The following SLC16A7 variants were observed in gnomAD, a reference collection of about 807,000 sequenced individuals.
SLC16A7 encodes the protein monocarboxylate transporter 2.
In SLC16A7, 33 loss-of-function variants were observed where a neutral mutation model predicts 34.9. The observed-to-expected ratio is 0.94, with a 90% CI of 0.72 to 1.26. The LOEUF is 1.26. SLC16A7 is among the 50% of genes most tolerant of loss of function. SLC16A7 has a pLI of 0.00. For synonymous variants in SLC16A7, 201 were observed against 206.6 expected (o/e 0.97, Z 0.23); for missense variants, 573 against 578.1 (o/e 0.99, Z 0.09).
intron 4 of SLC16A7, among the ~76,000 whole-genome samples, chr12:59,773,575 T>G: frequency 6.6e-6 from 1 of 152,072 alleles, no homozygotes; most frequent in East Asian, 1.9e-4. Flanking sequence ...ATGTACTTTT[T>G]TTTTTTTTGA....
At chr12:59,746,644 C>T (rs1878922044) in intron 3 of SLC16A7, among the ~76,000 whole-genome samples, 1 of 152,156 alleles carries the variant, frequency 6.6e-6, no homozygotes. Context: ...GCTATGTTAG[C>T]ATTCCAAATA....
chr12:59,757,601 T>A (rs1880535189), intron 3 of SLC16A7, among the ~76,000 whole-genome samples: 1 of 151,968 alleles, frequency 6.6e-6, no homozygotes, highest in Admixed American at 6.6e-5. Context: ...AGTGCAAAAA[T>A]GTCAGACAGA....
chr12:59,599,266 C>T (rs1018298162), intron 1 of SLC16A7, among the ~76,000 whole-genome samples: 1 of 152,162 alleles, frequency 6.6e-6, no homozygotes. Flanking sequence ...AAGTGTCTCC[C>T]GCCTTCAACA....
At chr12:59,711,681 G>T (rs771434683) in intron 3 of SLC16A7, among the ~76,000 whole-genome samples, 1 of 152,054 alleles carries the variant, frequency 6.6e-6, no homozygotes, top group African/African-American at 2.4e-5. Flanking sequence ...ACCATGCCCA[G>T]CTAATTTCTG....
At chr12:59,718,614 T>C (rs191372345) in intron 3 of SLC16A7, among the ~76,000 whole-genome samples, 3 of 152,290 alleles carry the variant, frequency 2.0e-5, no homozygotes, top group Admixed American at 2.0e-4. Context: ...AAGAATAACG[T>C]GGCTATCTGG....
At chr12:59,644,200 CA>C (rs1295711631) in intron 1 of SLC16A7, among the ~76,000 whole-genome samples, 2 of 152,018 alleles carry the variant, frequency 1.3e-5, no homozygotes, top group African/African-American at 4.8e-5. Context: ...ACAAACAAAG[CA>C]AAGCAAAACT....
intron 3 of SLC16A7, among the ~76,000 whole-genome samples, chr12:59,752,911 CA>C (rs1269773710): frequency 2.6e-5 from 4 of 152,162 alleles, no homozygotes; most frequent in Non-Finnish European, 5.9e-5. Context: ...GATCTCTCGG[CA>C]GAAACTCTAC....
At position 59,774,663 on chromosome 12, in the gene SLC16A7, G is replaced by A. The variant is rs778214706; in HGVS notation, c.368G>A (p.Gly123Asp). The A allele has an allele frequency of 1.3e-6, 2 of 1,579,366 alleles. No individual in the cohort carries two copies. Among genetic ancestry groups the A allele is most frequent in the Non-Finnish European group, 1.7e-6 (2 of 1,165,162 alleles). Residue 123 changes from glycine (G) to aspartate (D), a missense_variant, in exon 5 of 6, where the codon GGT becomes GAT. Transcript: ENST00000547379. ...TTTGTTTTGTTCTTTTTAGGTTTAG[G>A]TTTAGCCTTCAACCTGCAACCCGCC... ...YLTMGFITGL[G>D]LAFNLQPALT...
At chr12:59,714,489 GC>G (rs1198685919) in intron 3 of SLC16A7, among the ~76,000 whole-genome samples, 10 of 152,064 alleles carry the variant, frequency 6.6e-5, no homozygotes, top group Non-Finnish European at 1.5e-5. Context: ...TTAGATGGCT[GC>G]CTCCTAGTTG....
intron 1 of SLC16A7, among the ~76,000 whole-genome samples, chr12:59,619,947 G>C (rs1210750497): frequency 6.6e-6 from 1 of 151,976 alleles, no homozygotes; most frequent in Non-Finnish European, 1.5e-5. Context: ...GAGGCTTTAA[G>C]TGACTCACTA....
rs1025214522 is a variant in SLC16A7, at chr12:59,785,847, A to G, written c.*6168A>G. ...AGAGAATCTCAGTGTGAAAACACTG[A>G]TACTGAACATTCTATTAAAATAGAA... On this transcript the variant is annotated 3_prime_UTR_variant, in exon 6 of 6. Coordinates refer to ENST00000547379, the MANE Select transcript of SLC16A7 (RefSeq NM_001270623.2). 5 of 152,146 alleles carry G rather than the reference A, an allele frequency of 3.3e-5. No individual in the cohort carries two copies. The highest frequency in any genetic ancestry group is 9.7e-5 in the African/African-American group (4 of 41,436). The allele number at this position is 152,146 out of a possible 1,614,324, so 9.4% of individuals were successfully genotyped here. A position where few individuals can be genotyped will look rare whatever the true frequency, so the allele number is the denominator to read the frequency against.
intron 1 of SLC16A7, among the ~76,000 whole-genome samples, chr12:59,606,960 A>G (rs1490280852): frequency 6.6e-6 from 1 of 152,172 alleles, no homozygotes; most frequent in Admixed American, 6.5e-5. Flanking sequence ...ATGATTTTCT[A>G]GGATAGAGGT....
At chr12:59,613,790 TATTTAAGTTGTA>T (rs1460611269) in intron 1 of SLC16A7, among the ~76,000 whole-genome samples, 2 of 152,166 alleles carry the variant, frequency 1.3e-5, no homozygotes, top group Non-Finnish European at 2.9e-5. Flanking sequence ...AGACAATCAA[TATTTAAGTTGTA>T]ATTTACCAAA....
At chr12:59,705,301 T>C (rs186474834) in intron 3 of SLC16A7, among the ~76,000 whole-genome samples, 1 of 152,306 alleles carries the variant, frequency 6.6e-6, no homozygotes, top group Admixed American at 6.5e-5. Flanking sequence ...GTGAGGCTAC[T>C]TCATTTAGTT....
intron 3 of SLC16A7, among the ~76,000 whole-genome samples, chr12:59,709,572 T>A (rs1309967518): frequency 6.6e-6 from 1 of 151,754 alleles, no homozygotes; most frequent in South Asian, 2.1e-4. Context: ...CTGTGCAATA[T>A]CTTAGCAGCA....
intron 2 of SLC16A7, among the ~76,000 whole-genome samples, chr12:59,665,840 GTGTC>G (rs1336106217): frequency 1.3e-5 from 2 of 151,252 alleles, no homozygotes; most frequent in African/African-American, 4.9e-5. Context: ...GTGTGTGTGT[GTGTC>G]TATGTGTGTG....
At chr12:59,740,840 G>C (rs1293642522) in intron 3 of SLC16A7, among the ~76,000 whole-genome samples, 1 of 152,074 alleles carries the variant, frequency 6.6e-6, no homozygotes, top group Non-Finnish European at 1.5e-5. Flanking sequence ...ATCTCCTTAA[G>C]CTGATAAGCA....
intron 2 of SLC16A7, among the ~76,000 whole-genome samples, chr12:59,681,145 A>G (rs1208739174): frequency 6.6e-6 from 1 of 152,216 alleles, no homozygotes; most frequent in Non-Finnish European, 1.5e-5. Context: ...CGAATCTTAA[A>G]ACATCATTGT....
Position 59,775,454 on chromosome 12 carries a change from C to G in SLC16A7, c.1159C>G (p.Leu387Val), listed in dbSNP as rs373772028. 8 of 1,613,014 alleles carry G rather than the reference C, an allele frequency of 5.0e-6. No individual in the cohort carries two copies. Among genetic ancestry groups the G allele is most frequent in the Non-Finnish European group, 6.8e-6 (8 of 1,179,270 alleles). ...LVTIVECGPV[L>V]LGPPLAGKLV... is the part of the protein sequence containing the mutation. Reference sequence around the variant, plus strand: ...CACAATTGTGGAGTGTGGCCCAGTTCTTCTTGGCCCTCCTCTTGCAGGTAA... The same window carrying G: ...CACAATTGTGGAGTGTGGCCCAGTTGTTCTTGGCCCTCCTCTTGCAGGTAA... The change falls in exon 5 of 6, where the codon CTT (leucine) becomes GTT (valine). Residue 387 changes from leucine to valine, a missense_variant. Transcript: ENST00000547379.
Sources: gnomAD v4.1 joint callset for allele counts (sites outside exome capture counted in the v4.1 genomes callset) on GRCh38, gnomAD v4.1.1 for gene constraint, MANE v1.5 for transcripts, NCBI Gene and HGNC (gene_info 2026-07-23, HGNC 2026-07-21) for gene names.